Variants in NLGN1 observed in about 807,000 individuals in gnomAD.
The protein encoded by NLGN1 is neuroligin-1.
A neutral mutation model predicts 65.5 loss-of-function variants in NLGN1; 12 were observed. The ratio of observed to expected loss-of-function variants is 0.18; its 90% CI spans 0.12 to 0.30. The LOEUF (loss-of-function observed/expected upper bound fraction) is 0.30, where lower values mean the gene tolerates loss of function less well. Ranked by LOEUF, NLGN1 falls within the 10% of genes least tolerant of loss-of-function variation. NLGN1 has a pLI of 1.00. For synonymous variants in NLGN1, 350 were observed against 359.5 expected, an observed-to-expected ratio of 0.97 and a Z score of 0.30; for missense variants, 750 against 1,007.1, an observed-to-expected ratio of 0.74 and a Z score of 3.46.
intron 3 of NLGN1, among the ~76,000 whole-genome samples, chr3:173,642,397 C>T (rs540756672): frequency 2.0e-5 from 3 of 152,038 alleles, no homozygotes; most frequent in Non-Finnish European, 4.4e-5. Context: ...TGGGTGGCAA[C>T]GGGGGCATTG....
intron 3 of NLGN1, 30 bp from the exon 3 acceptor site, chr3:173,605,504 T>G (rs1349927552): frequency 3.3e-6 from 4 of 1,223,842 alleles, no homozygotes; most frequent in Non-Finnish European, 1.1e-6. Flanking sequence ...GAGCGCCATG[T>G]TATTTTCTAG....
At chr3:174,246,673 C>CCT (rs1743846015) in intron 4 of NLGN1, among the ~76,000 whole-genome samples, 1 of 152,202 alleles carries the variant, frequency 6.6e-6, no homozygotes, top group South Asian at 2.1e-4. Flanking sequence ...CCTGCTTCAG[C>CCT]CTCCCAAAGC....
intron 4 of NLGN1, among the ~76,000 whole-genome samples, chr3:174,090,452 G>A (rs1230294302): frequency 6.6e-6 from 1 of 152,030 alleles, no homozygotes; most frequent in Non-Finnish European, 1.5e-5. Context: ...TAGCCTGGGG[G>A]ACAGAGCGAG....
chr3:173,532,698 C>T (rs1405737065), intron 2 of NLGN1, among the ~76,000 whole-genome samples: 1 of 152,062 alleles, frequency 6.6e-6, no homozygotes, highest in Non-Finnish European at 1.5e-5. Flanking sequence ...CTAAGGTTGG[C>T]CACTTAAAAA....
intron 2 of NLGN1, among the ~76,000 whole-genome samples, chr3:173,477,738 GC>G (rs926253558): frequency 2.2e-4 from 33 of 152,138 alleles, no homozygotes; most frequent in Non-Finnish European, 2.8e-4. Context: ...GTGATGTTGA[GC>G]TTTTTTTCAT....
At chr3:173,894,507 A>C (rs1194060819) in intron 4 of NLGN1, among the ~76,000 whole-genome samples, 2 of 152,226 alleles carry the variant, frequency 1.3e-5, no homozygotes, top group Non-Finnish European at 2.9e-5. Flanking sequence ...TATTAAAGAT[A>C]CAGTCTCATA....
chr3:173,834,794 C>T (rs1723271227), intron 4 of NLGN1, among the ~76,000 whole-genome samples: 1 of 152,182 alleles, frequency 6.6e-6, no homozygotes, highest in Non-Finnish European at 1.5e-5. Flanking sequence ...TGCTGTCCCT[C>T]ACTATGCTAA....
At position 173,442,134 on chromosome 3, in the gene NLGN1, A is replaced by G. The variant is rs186769339; in HGVS notation, c.-321+7056A>G. Among the ~76,000 whole-genome samples, 134 of 152,264 alleles carry G rather than the reference A, an allele frequency of 8.8e-4. 2 individuals are homozygous for G. The South Asian group carries it at 0.024, about 28-fold the overall frequency. On this transcript the variant is annotated intron_variant, in intron 2 of 6. Coordinates refer to ENST00000457714, the Ensembl canonical transcript of NLGN1. Reference sequence around the variant, plus strand: ...GTCTTTGCAAGTTAGAAAAATGCCAATAACATTTGGGATCTTAAATCTGTT... The same window carrying G: ...GTCTTTGCAAGTTAGAAAAATGCCAGTAACATTTGGGATCTTAAATCTGTT...
chr3:173,830,379 T>G (rs1480947462), intron 4 of NLGN1, among the ~76,000 whole-genome samples: 2 of 152,156 alleles, frequency 1.3e-5, no homozygotes, highest in Non-Finnish European at 2.9e-5. Context: ...AAACAATAGG[T>G]TAGTGGCTTG....
chr3:173,416,197 C>T (rs1229923738), intron 1 of NLGN1, among the ~76,000 whole-genome samples: 1 of 152,148 alleles, frequency 6.6e-6, no homozygotes, highest in Non-Finnish European at 1.5e-5. Context: ...AAGGAGTGAG[C>T]ATAGATGCTC....
At chr3:174,078,539 TA>T (rs1175948458) in intron 4 of NLGN1, among the ~76,000 whole-genome samples, 1 of 151,946 alleles carries the variant, frequency 6.6e-6, no homozygotes, top group Non-Finnish European at 1.5e-5. Flanking sequence ...ATAGACATTT[TA>T]AAAAAAAGAA....
chr3:173,944,058 A>T (rs1330711029), intron 4 of NLGN1, among the ~76,000 whole-genome samples: 1 of 151,980 alleles, frequency 6.6e-6, no homozygotes, highest in Non-Finnish European at 1.5e-5. Context: ...TACAAAAACA[A>T]GGAACTGAAA....
At chr3:173,604,995 G>T in exon 3 of NLGN1, 1 of 1,613,592 alleles carries the variant, frequency 6.2e-7, no homozygotes. Flanking sequence ...CATGCTTCCT[G>T]TGTGGTTTAC....
intron 3 of NLGN1, among the ~76,000 whole-genome samples, chr3:173,748,286 T>C (rs1189366166): frequency 1.3e-5 from 2 of 152,116 alleles, no homozygotes; most frequent in African/African-American, 4.8e-5. Flanking sequence ...AGATTTACTC[T>C]TGCTGCTGAC....
intron 3 of NLGN1, among the ~76,000 whole-genome samples, chr3:173,717,673 A>G (rs1281437273): frequency 6.6e-6 from 1 of 152,174 alleles, no homozygotes; most frequent in Non-Finnish European, 1.5e-5. Context: ...TGCTAGCAAG[A>G]TAAGAGTGAG....
Position 173,415,937 on chromosome 3 carries a change from A to C in NLGN1, c.-390+17450A>C, listed in dbSNP as rs184026536. On this transcript the variant is annotated intron_variant, in intron 1 of 6. Coordinates refer to ENST00000457714, the Ensembl canonical transcript of NLGN1. Reference sequence around the variant, plus strand: ...GAGAGAGGGAGAGAGAGAGAGAGAGAGAGAGAGCTTGGTATAGAGCCTAAC... The same window carrying C: ...GAGAGAGGGAGAGAGAGAGAGAGAGCGAGAGAGCTTGGTATAGAGCCTAAC... 5.2e-4 allele frequency among the ~76,000 whole-genome samples: 74 copies of C among 143,088 alleles called. 1 individual carries two copies. Among genetic ancestry groups the C allele is most frequent in the African/African-American group, 2.0e-3 (69 of 34,924 alleles). The allele number at this position is 143,088 out of a possible 152,430, so 93.9% of individuals were successfully genotyped here. A position where few individuals can be genotyped will look rare whatever the true frequency, so the allele number is the denominator to read the frequency against.
At chr3:173,854,672 A>G (rs1434571700) in intron 4 of NLGN1, among the ~76,000 whole-genome samples, 1 of 152,122 alleles carries the variant, frequency 6.6e-6, no homozygotes, top group Non-Finnish European at 1.5e-5. Context: ...ATAAATATTG[A>G]AGTTCAAGGA....
chr3:174,074,464 A>C (rs540593443), intron 4 of NLGN1, among the ~76,000 whole-genome samples: 2 of 152,332 alleles, frequency 1.3e-5, no homozygotes, highest in South Asian at 4.1e-4. Flanking sequence ...GACCAACTAC[A>C]TGATGACAAG....
chr3:173,418,971 A>ATT (rs35210359), intron 1 of NLGN1, among the ~76,000 whole-genome samples: 41 of 72,288 alleles, frequency 5.7e-4, no homozygotes, highest in East Asian at 4.0e-3. Flanking sequence ...AAATATGATG[A>ATT]TTTTTTTTTT....
Sources: gnomAD v4.1 joint callset for allele counts (sites outside exome capture counted in the v4.1 genomes callset) on GRCh38, gnomAD v4.1.1 for gene constraint, MANE v1.5 for transcripts, NCBI Gene and HGNC (gene_info 2026-07-23, HGNC 2026-07-21) for gene names.